The following CNTN4 variants were observed in gnomAD, a reference collection of about 807,000 sequenced individuals.
The protein encoded by CNTN4 is contactin 4, also known as contactin-4.
CNTN4 carries 77 observed loss-of-function variants against 122.5 expected under a neutral mutation model. The ratio of observed to expected loss-of-function variants is 0.63; its 90% CI spans 0.52 to 0.76. The LOEUF is 0.76. CNTN4 is among the 30% of genes least tolerant of loss of function. The probability of loss-of-function intolerance (pLI) is 0.00; values close to 1 mark genes in which losing one functional copy is unlikely to be tolerated. For synonymous variants in CNTN4, 512 were observed against 447.0 expected, an observed-to-expected ratio of 1.15 and a Z score of -1.83; for missense variants, 1,256 against 1,259.1, an observed-to-expected ratio of 1.00 and a Z score of 0.04.
chr3:2,639,358 C>G (rs1405572665), intron 4 of CNTN4, among the ~76,000 whole-genome samples: 2 of 152,140 alleles, frequency 1.3e-5, no homozygotes, highest in South Asian at 4.1e-4. Context: ...AGGCTATGGT[C>G]TACTACTCCC....
rs377151961 is a variant in CNTN4, at chr3:2,275,905, G to A, written c.-144-63273G>A. 9.8e-4 allele frequency among the ~76,000 whole-genome samples: 125 copies of A among 127,104 alleles called. 2 individuals are homozygous for A. The highest frequency in any genetic ancestry group is 3.8e-3 in the African/African-American group (121 of 32,178). The allele number at this position is 127,104 out of a possible 152,430, so 83.4% of individuals were successfully genotyped here. ...ACTGCACTCCAGTCTAGGTGACAGA[G>A]CCAGACTCTGTCTCAAAAAAAAAAA... is the stretch of plus-strand genomic sequence containing the variant. On this transcript the variant is annotated intron_variant, in intron 2 of 24. Coordinates refer to ENST00000418658, the MANE Select transcript of CNTN4 (RefSeq NM_175607.3).
chr3:2,927,842 C>T (rs3864048), intron 13 of CNTN4, among the ~76,000 whole-genome samples: 39,167 of 152,068 alleles, frequency 0.26, 5,413 homozygotes, highest in Non-Finnish European at 0.31. Context: ...TGCTATTTAT[C>T]GCCTCCACCT....
chr3:2,199,672 C>G (rs1047191118), intron 2 of CNTN4, among the ~76,000 whole-genome samples: 1 of 152,092 alleles, frequency 6.6e-6, no homozygotes, highest in Non-Finnish European at 1.5e-5. Context: ...GACAAGACAC[C>G]GCTGTTCTCC....
intron 6 of CNTN4, among the ~76,000 whole-genome samples, chr3:2,771,859 TC>T (rs763927562): frequency 3.9e-5 from 6 of 152,092 alleles, no homozygotes; most frequent in Non-Finnish European, 4.4e-5. Context: ...CACAGTAGGC[TC>T]CCCAAGAGAG....
In CNTN4 at chr3:2,726,862, G is replaced by A. The variant is rs146910832; in HGVS notation, c.56-9353G>A. Among the ~76,000 whole-genome samples, 32 of 152,240 alleles carry A rather than the reference G, an allele frequency of 2.1e-4. 1 individual carries two copies. The East Asian group carries it at 5.6e-3, about 27-fold the overall frequency. ...ATGCATGCATTCATATTGGCTTATC[G>A]ATTGTAACAAATACAGCACAGGAAT... On this transcript the variant is annotated intron_variant, in intron 4 of 24. Coordinates refer to ENST00000418658, the MANE Select transcript of CNTN4 (RefSeq NM_175607.3).
intron 3 of CNTN4, among the ~76,000 whole-genome samples, chr3:2,544,610 G>C (rs905597116): frequency 6.6e-6 from 1 of 151,996 alleles, no homozygotes; most frequent in Non-Finnish European, 1.5e-5. Flanking sequence ...GAGATTGTGT[G>C]TCCGGGGTTT....
intron 2 of CNTN4, among the ~76,000 whole-genome samples, chr3:2,163,821 CTG>C (rs1203214970): frequency 6.6e-6 from 1 of 152,050 alleles, no homozygotes; most frequent in Non-Finnish European, 1.5e-5. Context: ...GTCAAAATGA[CTG>C]TTATTAAAAA....
At position 2,819,481 on chromosome 3, in the gene CNTN4, A is replaced by C. The variant is rs2092815090; in HGVS notation, c.359-5A>C. On this transcript the variant is annotated splice_region_variant and splice_polypyrimidine_tract_variant and intron_variant, in intron 6 of 24. Coordinates refer to ENST00000418658, the MANE Select transcript of CNTN4 (RefSeq NM_175607.3). ...AAATGCTTTTTCCCATATTTCTCCC[A>C]ACAGATCTTGACAACTTTAAAACAA... The C allele has an allele frequency of 6.2e-7, 1 of 1,610,758 alleles. No homozygotes were observed. The highest frequency in any genetic ancestry group is 1.1e-5 in the South Asian group (1 of 91,008).
In CNTN4 at chr3:2,364,901, T is replaced by C. The variant is rs536280148; in HGVS notation, c.-89+25668T>C. On this transcript the variant is annotated intron_variant, in intron 3 of 24. Coordinates refer to ENST00000418658, the MANE Select transcript of CNTN4 (RefSeq NM_175607.3). ...TTGTTCTCTCTGAAATATGCTGTTT[T>C]CATAGTCCACAAGATAATATTAATA... Among the ~76,000 whole-genome samples, 24 of 152,350 alleles carry C rather than the reference T, an allele frequency of 1.6e-4. 1 individual carries two copies. The highest frequency in any genetic ancestry group is 5.3e-4 in the African/African-American group (22 of 41,568).
At chr3:2,201,750 T>A (rs1278807715) in intron 2 of CNTN4, among the ~76,000 whole-genome samples, 2 of 152,130 alleles carry the variant, frequency 1.3e-5, no homozygotes, top group East Asian at 3.9e-4. Flanking sequence ...AAAAGGATAT[T>A]TTTTTAAATT....
chr3:2,934,028 G>A (rs1333068014), intron 13 of CNTN4, among the ~76,000 whole-genome samples: 1 of 152,140 alleles, frequency 6.6e-6, no homozygotes, highest in African/African-American at 2.4e-5. Flanking sequence ...AGCCAAGGGA[G>A]AAGAAAGGTG....
At chr3:2,259,801 A>G (rs1019399810) in intron 2 of CNTN4, among the ~76,000 whole-genome samples, 1 of 152,128 alleles carries the variant, frequency 6.6e-6, no homozygotes, top group Non-Finnish European at 1.5e-5. Context: ...ACGCAGCCAA[A>G]TGATATCAGC....
At chr3:2,714,723 C>T (rs2728047) in intron 4 of CNTN4, among the ~76,000 whole-genome samples, 85,608 of 151,928 alleles carry the variant, frequency 0.56, 25,433 homozygotes, top group Non-Finnish European at 0.68. Context: ...AGGAAAATGT[C>T]GTCGTTTATT....
At chr3:2,672,677 G>A (rs771189728) in intron 4 of CNTN4, among the ~76,000 whole-genome samples, 17 of 152,176 alleles carry the variant, frequency 1.1e-4, no homozygotes, top group African/African-American at 3.1e-4. Context: ...GAAATCATTC[G>A]TCTTCTGTGT....
chr3:2,212,211 G>A (rs2149445333), intron 2 of CNTN4, among the ~76,000 whole-genome samples: 1 of 152,140 alleles, frequency 6.6e-6, no homozygotes, highest in Admixed American at 6.5e-5. Context: ...CTAACCTCAA[G>A]TAATCCTCCT....
chr3:2,805,241 T>C (rs1228527052), intron 6 of CNTN4, among the ~76,000 whole-genome samples: 3 of 151,598 alleles, frequency 2.0e-5, no homozygotes. Context: ...TCATCTACAA[T>C]CTTTTAAGAA....
intron 7 of CNTN4, among the ~76,000 whole-genome samples, chr3:2,854,439 A>T (rs1186714919): frequency 6.6e-6 from 1 of 151,152 alleles, no homozygotes; most frequent in African/African-American, 2.4e-5. Context: ...CGCCTGGCTA[A>T]TTTTTGTATT....
At chr3:2,275,563 A>G (rs959412421) in intron 2 of CNTN4, among the ~76,000 whole-genome samples, 2 of 152,148 alleles carry the variant, frequency 1.3e-5, no homozygotes, top group Non-Finnish European at 2.9e-5. Flanking sequence ...TATTATATAC[A>G]TTTAAGTATA....
chr3:3,047,385 C>G (rs534689321), intron 23 of CNTN4, among the ~76,000 whole-genome samples: 62 of 152,310 alleles, frequency 4.1e-4, no homozygotes, highest in South Asian at 3.3e-3. Context: ...AAGTAAAGCA[C>G]TCCTCAGCAA....
Sources: gnomAD v4.1 joint callset for allele counts (sites outside exome capture counted in the v4.1 genomes callset) on GRCh38, gnomAD v4.1.1 for gene constraint, MANE v1.5 for transcripts, NCBI Gene and HGNC (gene_info 2026-07-23, HGNC 2026-07-21) for gene names.